SKI: variants seen among roughly 807,000 people sequenced by gnomAD.
SKI encodes the protein SKI proto-oncogene.
A neutral mutation model predicts 59.3 loss-of-function variants in SKI; 23 were observed. The observed-to-expected ratio is 0.39, with a 90% CI of 0.28 to 0.55. The LOEUF is 0.55. SKI is among the 20% of genes least tolerant of loss of function. SKI has a pLI of 0.67. For missense variants in SKI, 1,017 were observed against 1,038.9 expected, an observed-to-expected ratio of 0.98 and a Z score of 0.29; for synonymous variants, 673 against 488.6, an observed-to-expected ratio of 1.38 and a Z score of -4.98.
At chr1:2,246,219 C>T (rs958168769) in intron 1 of SKI, among the ~76,000 whole-genome samples, 9 of 152,286 alleles carry the variant, frequency 5.9e-5, no homozygotes, top group Middle Eastern at 3.4e-3. Context: ...TTTTTGACAG[C>T]GGCCATCCTA....
In SKI at chr1:2,306,258, G is replaced by T; in HGVS notation, c.1998+8G>T. 1 of 1,546,026 alleles carries T rather than the reference G, an allele frequency of 6.5e-7. No homozygotes were observed. The highest frequency in any genetic ancestry group is 8.7e-7 in the Non-Finnish European group (1 of 1,144,918). On this transcript the variant is annotated splice_region_variant and intron_variant, in intron 6 of 6. Transcript: ENST00000378536. Reference sequence around the variant, plus strand: ...GCCAAGTACTCGGCCCAGGTATGCGGGTGGGGAGACTGAGGCACGCAGCAC... The same window carrying T: ...GCCAAGTACTCGGCCCAGGTATGCGTGTGGGGAGACTGAGGCACGCAGCAC...
intron 1 of SKI, among the ~76,000 whole-genome samples, chr1:2,279,601 T>G (rs1569798005): frequency 1.4e-5 from 2 of 142,988 alleles, no homozygotes; most frequent in Non-Finnish European, 1.6e-5. Context: ...GAGAGCAGAG[T>G]GGGTGAGACG....
chr1:2,285,338 C>T (rs763142981), intron 1 of SKI, among the ~76,000 whole-genome samples: 7 of 151,958 alleles, frequency 4.6e-5, no homozygotes, highest in Non-Finnish European at 1.0e-4. Flanking sequence ...CATGGTGAAA[C>T]CCAATCTCTA....
At chr1:2,258,278 A>G (rs1382088083) in intron 1 of SKI, among the ~76,000 whole-genome samples, 1 of 152,176 alleles carries the variant, frequency 6.6e-6, no homozygotes, top group Non-Finnish European at 1.5e-5. Flanking sequence ...CGGTGTCTGC[A>G]GCATAGAATG....
At chr1:2,272,914 G>T (rs770564997) in intron 1 of SKI, among the ~76,000 whole-genome samples, 1 of 152,184 alleles carries the variant, frequency 6.6e-6, no homozygotes, top group Non-Finnish European at 1.5e-5. Flanking sequence ...TCTTCCAGGC[G>T]GAGGGGGAGG....
intron 1 of SKI, among the ~76,000 whole-genome samples, chr1:2,243,899 T>C (rs1316036813): frequency 1.3e-5 from 2 of 152,188 alleles, no homozygotes; most frequent in Non-Finnish European, 2.9e-5. Context: ...ACGTTTCTGA[T>C]CATTTCCTTA....
chr1:2,240,827 A>C (rs1638854762), intron 1 of SKI: 1 of 984,438 alleles, frequency 1.0e-6, no homozygotes, highest in Non-Finnish European at 1.2e-6. Flanking sequence ...TCTTAGGAAA[A>C]TCCGTGCTGC....
In SKI at chr1:2,267,226, C is replaced by G. The variant is rs1639519060; in HGVS notation, c.970-35752C>G. Among the ~76,000 whole-genome samples the G allele has an allele frequency of 6.6e-6, 1 of 152,176 alleles. No homozygotes were observed. The highest frequency in any genetic ancestry group is 2.1e-4 in the South Asian group (1 of 4,832). On this transcript the variant is annotated intron_variant, in intron 1 of 6. Coordinates refer to ENST00000378536, the MANE Select transcript of SKI (RefSeq NM_003036.4). This position sits in a 1 kb window ranked among gnomAD's most constrained non-coding sequence, Gnocchi z 4.1. ...TTGGTGTCCATATCGCTCTTAATAA[C>G]ATCTGCAGGCACAGGCGACGATAGC...
chr1:2,258,671 C>T (rs1033585907), intron 1 of SKI, among the ~76,000 whole-genome samples: 5 of 152,050 alleles, frequency 3.3e-5, no homozygotes, highest in Non-Finnish European at 5.9e-5. Flanking sequence ...TCTCCTGCCT[C>T]AGCCTCCTGA....
At chr1:2,242,240 A>G (rs1638896132) in intron 1 of SKI, among the ~76,000 whole-genome samples, 1 of 152,154 alleles carries the variant, frequency 6.6e-6, no homozygotes, top group Non-Finnish European at 1.5e-5. Context: ...TAGTCAGGAG[A>G]GTAATCAGAG....
intron 4 of SKI, 25 bp downstream of exon 4, chr1:2,304,127 C>A: frequency 6.2e-7 from 1 of 1,610,628 alleles, no homozygotes; most frequent in Non-Finnish European, 8.5e-7. Flanking sequence ...CTTTCTGTGC[C>A]TCCTCCCTGT....
chr1:2,262,243 C>T (rs1449540824), intron 1 of SKI, among the ~76,000 whole-genome samples: 12 of 144,666 alleles, frequency 8.3e-5, no homozygotes, highest in African/African-American at 2.1e-4. Flanking sequence ...GGAGTGGACG[C>T]CCTCGCTCCT....
intron 1 of SKI, among the ~76,000 whole-genome samples, chr1:2,256,441 C>T (rs1273547704): frequency 6.6e-6 from 1 of 152,250 alleles, no homozygotes; most frequent in Non-Finnish European, 1.5e-5. Flanking sequence ...CTCCAGCGTT[C>T]TTCTCTGCCC....
At chr1:2,244,205 CCG>C (rs1358158311) in intron 1 of SKI, among the ~76,000 whole-genome samples, 1 of 152,046 alleles carries the variant, frequency 6.6e-6, no homozygotes, top group Non-Finnish European at 1.5e-5. Context: ...ACCTCGTGAT[CCG>C]CCTGCCTCGG....
chr1:2,278,471 C>A (rs1443832465), intron 1 of SKI, among the ~76,000 whole-genome samples: 1 of 152,210 alleles, frequency 6.6e-6, no homozygotes, highest in Admixed American at 6.5e-5. Context: ...CCTCCCTTCA[C>A]CCTCCACAGT....
At chr1:2,290,541 G>A (rs1387708691) in intron 1 of SKI, among the ~76,000 whole-genome samples, 3 of 151,622 alleles carry the variant, frequency 2.0e-5, no homozygotes, top group African/African-American at 7.3e-5. Context: ...GTTGGCGGGT[G>A]GGCTGGGGTC....
intron 1 of SKI, among the ~76,000 whole-genome samples, chr1:2,266,092 G>A (rs1557828835): frequency 6.6e-6 from 1 of 152,126 alleles, no homozygotes; most frequent in Non-Finnish European, 1.5e-5. Flanking sequence ...TCTAGAGCTG[G>A]GCTCAGGGCT....
intron 1 of SKI, among the ~76,000 whole-genome samples, chr1:2,266,220 G>A (rs1442169006): frequency 6.6e-6 from 1 of 152,142 alleles, no homozygotes; most frequent in African/African-American, 2.4e-5. Context: ...GCCTAGCCTG[G>A]TGCAAGCCTC....
intron 1 of SKI, among the ~76,000 whole-genome samples, chr1:2,253,676 C>T (rs1163826853): frequency 6.6e-6 from 1 of 152,200 alleles, no homozygotes; most frequent in Non-Finnish European, 1.5e-5. Flanking sequence ...CAGCTAGGAA[C>T]GGTGCGAGCA....
Sources: gnomAD v4.1 joint callset for allele counts (sites outside exome capture counted in the v4.1 genomes callset) on GRCh38, gnomAD v4.1.1 for gene constraint, Gnocchi (gnomAD v3.1) non-coding constraint, MANE v1.5 for transcripts, NCBI Gene and HGNC (gene_info 2026-07-23, HGNC 2026-07-21) for gene names.